AP5Z1: variants seen among roughly 807,000 people sequenced by gnomAD.
AP5Z1 encodes adaptor related protein complex 5 subunit zeta 1.
AP5Z1 carries 106 observed loss-of-function variants against 83.0 expected under a neutral mutation model. That is an observed-to-expected ratio of 1.28 (90% confidence interval 1.09 to 1.50). The LOEUF (loss-of-function observed/expected upper bound fraction) is 1.50. AP5Z1 is among the 40% of genes most tolerant of loss of function. AP5Z1 has a pLI of 0.00. For synonymous variants in AP5Z1, 751 were observed against 514.1 expected, an observed-to-expected ratio of 1.46 and a Z score of -6.23; for missense variants, 1,565 against 1,094.2, an observed-to-expected ratio of 1.43 and a Z score of -6.07.
Position 4,784,280 on chromosome 7 carries a change from A to C in AP5Z1, c.699A>C (p.Thr233=). ...FTVLSSGHRF[T]DDQWLNVQAF... Reference sequence around the variant, plus strand: ...TGCTCTCCAGCGGCCACCGCTTCACAGACGACCAGTGGCTGAACGTGCAGG... The same window carrying C: ...TGCTCTCCAGCGGCCACCGCTTCACCGACGACCAGTGGCTGAACGTGCAGG... The change falls in exon 6 of 17, where the codon ACA becomes ACC. Residue 233 remains threonine (T), a synonymous_variant. Coordinates refer to ENST00000649063, the MANE Select transcript of AP5Z1 (RefSeq NM_014855.3). The C allele has an allele frequency of 1.2e-6, 2 of 1,602,150 alleles. No individual in the cohort carries two copies. Among genetic ancestry groups the C allele is most frequent in the Admixed American group, 1.7e-5 (1 of 58,428 alleles).
intron 7 of AP5Z1, 136 bp downstream of exon 7, chr7:4,785,184 G>A: frequency 7.1e-7 from 1 of 1,406,082 alleles, no homozygotes; most frequent in South Asian, 1.5e-5. Context: ...TGGAGCAGGG[G>A]CATTTTTGCT....
At position 4,787,727 on chromosome 7, in the gene AP5Z1, G is replaced by A. The variant is rs368021131; in HGVS notation, c.1405G>A (p.Ala469Thr). The change falls in exon 11 of 17, where the codon GCG becomes ACG. Residue 469 changes from alanine (A) to threonine (T), a missense_variant. Physicochemically the swap from Ala to Thr is moderately conservative, Grantham distance 58 (BLOSUM62 0). Coordinates refer to ENST00000649063, the MANE Select transcript of AP5Z1 (RefSeq NM_014855.3). Reference protein sequence around the residue: ...DAGTALEMLHALLDLPCLTAV... With the variant: ...DAGTALEMLHTLLDLPCLTAV... ...TGGCACAGCCCTGGAGATGCTGCACGCGCTGCTGGACCTGCCCTGCTTGAC... is the reference window on the plus strand; with the variant it reads ...TGGCACAGCCCTGGAGATGCTGCACACGCTGCTGGACCTGCCCTGCTTGAC... 5.0e-5 allele frequency: 78 copies of A among 1,548,524 alleles called. No homozygotes were observed. The highest frequency in any genetic ancestry group is 8.3e-5 in the South Asian group (7 of 84,242).
At chr7:4,788,749 C>T (rs1216537109) in intron 12 of AP5Z1, 91 bp from the exon 13 acceptor site, 8 of 1,152,706 alleles carry the variant, frequency 6.9e-6, no homozygotes, top group Non-Finnish European at 8.4e-6. Flanking sequence ...GCGGGCTCAG[C>T]TGTGCGAGAG....
intron 1 of AP5Z1, among the ~76,000 whole-genome samples, chr7:4,779,920 G>C (rs1781335132): frequency 6.6e-6 from 1 of 152,114 alleles, no homozygotes; most frequent in Admixed American, 6.5e-5. Context: ...TAGGATTACA[G>C]GTGTGAGCCA....
rs1348831752 is a variant in AP5Z1, at chr7:4,783,798, G to A, written c.621G>A (p.Gln207=). The part of the protein sequence containing the change: ...GGFFSTPRAR[Q]PGPVTEVDGA... ...TCTTCTCCACGCCCAGGGCCCGGCA[G>A]GTGAGGCTGGGACTGTTCTGGAACC... The change falls in exon 5 of 17, where the codon CAG becomes CAA. Residue 207 remains glutamine (Q), a splice_region_variant and synonymous_variant. Transcript: ENST00000649063. 5.2e-6 allele frequency: 8 copies of A among 1,546,848 alleles called. No individual in the cohort carries two copies. Among genetic ancestry groups the A allele is most frequent in the Admixed American group, 2.0e-5 (1 of 51,004 alleles).
chr7:4,787,042 G>A (rs967248694), intron 10 of AP5Z1, among the ~76,000 whole-genome samples: 1 of 151,770 alleles, frequency 6.6e-6, no homozygotes, highest in African/African-American at 2.4e-5. Context: ...AAAGTGCTGG[G>A]ATTACAGGCA....
rs751814224 is a variant in AP5Z1 at position 4,785,507 on chromosome 7, G to C, written c.970-15G>C. 3 of 1,613,406 alleles carry C rather than the reference G, an allele frequency of 1.9e-6. No individual in the cohort carries two copies. The Admixed American group carries it at 5.0e-5, about 27-fold the overall frequency. On this transcript the variant is annotated splice_polypyrimidine_tract_variant and intron_variant, in intron 8 of 16. Coordinates refer to ENST00000649063, the MANE Select transcript of AP5Z1 (RefSeq NM_014855.3). ...GCAGCGACTCGGCCCATTTGATGTG[G>C]TCCATGTCCCGCAGTGCCTGGTGGA... is the stretch of plus-strand genomic sequence containing the variant.
At chr7:4,778,952 G>C (rs1781296444) in intron 1 of AP5Z1, among the ~76,000 whole-genome samples, 1 of 146,756 alleles carries the variant, frequency 6.8e-6, no homozygotes, top group Non-Finnish European at 1.5e-5. Flanking sequence ...AGAACTGCTT[G>C]AGCTAGAAGA....
rs775289012 is a variant in AP5Z1 at position 4,785,432 on chromosome 7, G to C, written c.949G>C (p.Asp317His). ...CCTTCCAGGAGCCCTGAGGAAGGGG[G>C]ACTCCGACCTGCAGAAAGCTGTAAG... ...QSNRRALRKGDSDLQKACLVE... is the reference protein window; with the variant it reads ...QSNRRALRKGHSDLQKACLVE... Residue 317 changes from aspartate to histidine, a missense_variant, in exon 8 of 17, where the codon GAC becomes CAC. Transcript: ENST00000649063. The C allele has an allele frequency of 6.2e-7, 1 of 1,613,440 alleles. No homozygotes were observed. The highest frequency in any genetic ancestry group is 8.5e-7 in the Non-Finnish European group (1 of 1,179,694).
chr7:4,790,297 AAC>A (rs1475811785), intron 14 of AP5Z1, 160 bp from the exon 15 acceptor site: 7 of 1,545,888 alleles, frequency 4.5e-6, no homozygotes, highest in Admixed American at 1.9e-5. Flanking sequence ...CCCCAGTGAG[AAC>A]AGTTTCTCTG....
At chr7:4,782,848 C>T (rs923807298) in intron 3 of AP5Z1, among the ~76,000 whole-genome samples, 2 of 152,246 alleles carry the variant, frequency 1.3e-5, no homozygotes, top group African/African-American at 4.8e-5. Context: ...CACCCCCCGC[C>T]CGGCACGTGG....
rs1462263836 is a variant in AP5Z1, at chr7:4,782,561, C to G, written c.367-755C>G. ...GGTGCAGCCTGCGGTTGCTTTAGTT[C>G]TGTGTGGGCGAGAGCTTGTGGGCCC... On this transcript the variant is annotated intron_variant, in intron 3 of 16. Transcript: ENST00000649063. Among the ~76,000 whole-genome samples, 3 of 152,016 alleles carry G rather than the reference C, an allele frequency of 2.0e-5. No individual in the cohort carries two copies. In the East Asian group the frequency reaches 5.8e-4, roughly 29 times the overall value.
chr7:4,781,528 G>A (rs377302397), intron 2 of AP5Z1, 40 bp from the exon 3 acceptor site: 71 of 1,591,378 alleles, frequency 4.5e-5, no homozygotes, highest in Middle Eastern at 1.7e-4. Flanking sequence ...TGCCACGGTC[G>A]TGACGTGTTA....
chr7:4,789,076 G>A (rs1024287679), intron 13 of AP5Z1, 125 bp downstream of exon 13: 67 of 833,206 alleles, frequency 8.0e-5, no homozygotes, highest in Non-Finnish European at 9.9e-5. Flanking sequence ...CACCATCCAC[G>A]GTCCCTGTGA....
At chr7:4,791,088 G>GCTGA (rs759814808) in intron 16 of AP5Z1, 27 bp from the exon 17 acceptor site, 94 of 1,544,262 alleles carry the variant, frequency 6.1e-5, no homozygotes, top group Non-Finnish European at 5.2e-6. Flanking sequence ...AGCATCTGCA[G>GCTGA]CTGACGGAGG....
chr7:4,781,831 G>A (rs372182281), intron 3 of AP5Z1, 77 bp downstream of exon 3: 14 of 1,418,828 alleles, frequency 9.9e-6, no homozygotes, highest in East Asian at 9.8e-5. Context: ...AAGCAGGGGC[G>A]CCAGAGCCGG....
intron 7 of AP5Z1, 30 bp from the exon 8 acceptor site, chr7:4,785,383 CAG>C: frequency 1.2e-6 from 2 of 1,610,004 alleles, no homozygotes; most frequent in Non-Finnish European, 1.7e-6. Context: ...AAGGCTGAGA[CAG>C]AGCCGGCTGA....
chr7:4,782,685 C>T (rs1285584350), intron 3 of AP5Z1, among the ~76,000 whole-genome samples: 4 of 152,254 alleles, frequency 2.6e-5, no homozygotes, highest in East Asian at 1.9e-4. Flanking sequence ...TCCAGGCCTC[C>T]GAGATGACCC....
At chr7:4,789,160 C>T (rs750149144) in intron 13 of AP5Z1, 32 of 532,750 alleles carry the variant, frequency 6.0e-5, no homozygotes, top group East Asian at 9.8e-5. Flanking sequence ...CAGCAGGCCC[C>T]GTTCCCCAGT....
Sources: allele counts gnomAD v4.1 joint callset (sites outside exome capture counted in the v4.1 genomes callset), GRCh38; gene constraint gnomAD v4.1.1; transcripts MANE v1.5; gene names NCBI Gene and HGNC (gene_info 2026-07-23, HGNC 2026-07-21).